AGTPBP1: variants seen among roughly 807,000 people sequenced by gnomAD.
The protein encoded by AGTPBP1 is cytosolic carboxypeptidase 1.
A neutral mutation model predicts 143.9 loss-of-function variants in AGTPBP1; 70 were observed. The ratio of observed to expected loss-of-function variants is 0.49; its 90% CI spans 0.40 to 0.59. The LOEUF (loss-of-function observed/expected upper bound fraction) is 0.59. AGTPBP1 is among the 20% of genes least tolerant of loss of function. The pLI is 0.00. For missense variants in AGTPBP1, 1,229 were observed against 1,464.5 expected, an observed-to-expected ratio of 0.84 and a Z score of 2.62; for synonymous variants, 463 against 500.2, an observed-to-expected ratio of 0.93 and a Z score of 0.99.
chr9:85,670,775 A>C (rs749254248), intron 7 of AGTPBP1, among the ~76,000 whole-genome samples: 2 of 152,214 alleles, frequency 1.3e-5, no homozygotes, highest in Non-Finnish European at 2.9e-5. Flanking sequence ...TAATCCAATA[A>C]AATGCCACCA....
chr9:85,645,648 A>G (rs1832766368), intron 12 of AGTPBP1, among the ~76,000 whole-genome samples: 1 of 152,054 alleles, frequency 6.6e-6, no homozygotes, highest in Admixed American at 6.6e-5. Flanking sequence ...AGTCAAATTA[A>G]TCCCTCCTCC....
At chr9:85,552,439 C>T (rs1246171385) in intron 25 of AGTPBP1, among the ~76,000 whole-genome samples, 2 of 152,126 alleles carry the variant, frequency 1.3e-5, no homozygotes, top group Non-Finnish European at 2.9e-5. Flanking sequence ...TCCAAGACAC[C>T]AGAATGTACA....
At chr9:85,599,672 T>A (rs948566755) in intron 17 of AGTPBP1, among the ~76,000 whole-genome samples, 6 of 152,218 alleles carry the variant, frequency 3.9e-5, no homozygotes, top group Admixed American at 6.5e-5. Context: ...CAGAAAGAGA[T>A]CAGATAGCAT....
intron 25 of AGTPBP1, among the ~76,000 whole-genome samples, chr9:85,561,596 A>G (rs1826729353): frequency 6.6e-6 from 1 of 152,142 alleles, no homozygotes; most frequent in South Asian, 2.1e-4. Context: ...TGGGAAAAAG[A>G]AAAATGATCT....
chr9:85,776,971 G>T, the AGTPBP1 span, among the ~76,000 whole-genome samples: 2 of 152,302 alleles, frequency 1.3e-5, no homozygotes, highest in Middle Eastern at 6.8e-3. Context: ...GCCTTCTGGA[G>T]AACTTTGTCC....
intron 8 of AGTPBP1, among the ~76,000 whole-genome samples, chr9:85,664,907 C>G (rs954044772): frequency 1.4e-4 from 21 of 152,074 alleles, no homozygotes; most frequent in African/African-American, 4.3e-4. Flanking sequence ...TTCGAGACTA[C>G]CATGATCCAT....
chr9:85,660,973 C>T lies in AGTPBP1; in HGVS notation c.663G>A (p.Lys221=). 6.3e-7 allele frequency: 1 copy of T among 1,591,826 alleles called. No individual in the cohort carries two copies. Among genetic ancestry groups the T allele is most frequent in the Non-Finnish European group, 8.5e-7 (1 of 1,171,018 alleles). ...PFSKKNSSLI[K]VALDTLAALL... is the part of the protein sequence containing the mutation. ...ATGCAGCAAGAGTGTCTAAAGCAAC[C>T]CTGTCAACACAACAAGAAAACACAA... Residue 221 remains lysine (K), a splice_region_variant and synonymous_variant, in exon 9 of 26, where the codon AAG becomes AAA. Transcript: ENST00000357081.
chr9:85,734,144 T>G (rs1264932365), intron 1 of AGTPBP1, among the ~76,000 whole-genome samples: 3 of 152,088 alleles, frequency 2.0e-5, no homozygotes, highest in African/African-American at 7.2e-5. Flanking sequence ...TCCCAGCTAC[T>G]CAGGACGCTG....
At chr9:85,649,046 A>G (rs903922571) in intron 11 of AGTPBP1, among the ~76,000 whole-genome samples, 1 of 152,230 alleles carries the variant, frequency 6.6e-6, no homozygotes, top group East Asian at 1.9e-4. Flanking sequence ...TCAAAGATCC[A>G]TTCATTATAC....
chr9:85,790,955 ATAAC>A, the AGTPBP1 span, among the ~76,000 whole-genome samples: 1 of 152,240 alleles, frequency 6.6e-6, no homozygotes, highest in Non-Finnish European at 1.5e-5. Context: ...TAATAATTAT[ATAAC>A]TAAAGTAGAA....
the AGTPBP1 span, among the ~76,000 whole-genome samples, chr9:85,759,448 G>C: frequency 6.6e-5 from 10 of 151,918 alleles, no homozygotes. Flanking sequence ...AATCAAACTA[G>C]AACTCAGGAT....
At chr9:85,752,624 T>G in the AGTPBP1 span, among the ~76,000 whole-genome samples, 1 of 152,206 alleles carries the variant, frequency 6.6e-6, no homozygotes, top group African/African-American at 2.4e-5. Context: ...TTCTTAGATA[T>G]GCTAATTACC....
chr9:85,568,365 A>G lies in AGTPBP1; in HGVS notation c.3503+6950T>C, dbSNP rs191236945. On this transcript the variant is annotated intron_variant, in intron 25 of 25. Transcript: ENST00000357081. ...AAGTATCAGTACAGAAAAAGTTGTA[A>G]AACAGAAACTGGTCCTTTGCCATAA... Among the ~76,000 whole-genome samples, 14 of 152,298 alleles carry G rather than the reference A, an allele frequency of 9.2e-5. No homozygotes were observed. In the East Asian group the frequency reaches 2.7e-3, roughly 29 times the overall value.
At chr9:85,640,677 T>C (rs1832403834) in intron 13 of AGTPBP1, among the ~76,000 whole-genome samples, 1 of 152,296 alleles carries the variant, frequency 6.6e-6, no homozygotes, top group Non-Finnish European at 1.5e-5. Flanking sequence ...GGTTAGCCTA[T>C]TCTGGGTGAC....
At chr9:85,715,693 T>C (rs1361121418) in intron 1 of AGTPBP1, among the ~76,000 whole-genome samples, 1 of 152,210 alleles carries the variant, frequency 6.6e-6, no homozygotes, top group Non-Finnish European at 1.5e-5. Flanking sequence ...AGTTCACTTT[T>C]TATTACTGAA....
At position 85,566,466 on chromosome 9, in the gene AGTPBP1, G is replaced by T. The variant is rs145118994; in HGVS notation, c.3503+8849C>A. On this transcript the variant is annotated intron_variant, in intron 25 of 25. Coordinates refer to ENST00000357081, the MANE Select transcript of AGTPBP1 (RefSeq NM_001330701.2). ...GACTGCTTGAGCCCAGGAGGTTGAG[G>T]CTGCAGTGAACTATGATCATGCCAC... 2.1e-3 allele frequency among the ~76,000 whole-genome samples: 297 copies of T among 142,926 alleles called. 2 individuals are homozygous for T. The highest frequency in any genetic ancestry group is 7.6e-3 in the African/African-American group (277 of 36,462). The allele number at this position is 142,926 out of a possible 152,430, so 93.8% of individuals were successfully genotyped here.
chr9:85,653,108 T>G (rs372928952), intron 11 of AGTPBP1, among the ~76,000 whole-genome samples: 8 of 151,188 alleles, frequency 5.3e-5, no homozygotes, highest in African/African-American at 1.9e-4. Flanking sequence ...GCCTGACATG[T>G]GAGAAAATAA....
At chr9:85,716,065 G>A (rs925738986) in intron 1 of AGTPBP1, among the ~76,000 whole-genome samples, 9 of 152,064 alleles carry the variant, frequency 5.9e-5, no homozygotes, top group African/African-American at 2.2e-4. Context: ...CTGTCAACAA[G>A]TCCTCCCTTC....
rs866580101 is a variant in AGTPBP1 at position 85,589,615 on chromosome 9, A to G, written c.2635T>C (p.Cys879Arg). ...QQIYFRKDVLCETLSGNSCPL... is the reference protein window; with the variant it reads ...QQIYFRKDVLRETLSGNSCPL... ...CAGCTGTTTCCAGACAGGGTTTCAC[A>G]TAACACATCTTTCCGAAAATAGATT... Residue 879 changes from cysteine (C) to arginine (R), a missense_variant, in exon 20 of 26, where the codon TGT becomes CGT. By Grantham distance (180) the Cys-to-Arg change is radical. This residue lies in a region of AGTPBP1 where 486 missense variants were observed against 652.3 expected (regional missense o/e 0.75). Transcript: ENST00000357081. The G allele has an allele frequency of 6.2e-7, 1 of 1,613,692 alleles. No homozygotes were observed. The highest frequency in any genetic ancestry group is 8.5e-7 in the Non-Finnish European group (1 of 1,179,714).
Sources: allele counts gnomAD v4.1 joint callset (sites outside exome capture counted in the v4.1 genomes callset), GRCh38; gene constraint gnomAD v4.1.1; regional missense constraint gnomAD v4.1.1; transcripts MANE v1.5; gene names NCBI Gene and HGNC (gene_info 2026-07-23, HGNC 2026-07-21).